Variants in RBM6 observed in about 807,000 individuals in gnomAD.
RBM6 encodes RNA-binding protein 6.
A neutral mutation model predicts 140.4 loss-of-function variants in RBM6; 23 were observed. The observed-to-expected ratio is 0.16, with a 90% CI of 0.12 to 0.23. RBM6 has a LOEUF of 0.23. Among genes scored for constraint, RBM6 ranks in the 10% least tolerant of loss-of-function variants. RBM6 has a pLI of 1.00. For missense variants in RBM6, 1,139 were observed against 1,386.7 expected, an observed-to-expected ratio of 0.82 and a Z score of 2.84; for synonymous variants, 439 against 475.6, an observed-to-expected ratio of 0.92 and a Z score of 1.00.
At chr3:50,012,058 C>G (rs544922757) in intron 6 of RBM6, among the ~76,000 whole-genome samples, 95 of 152,020 alleles carry the variant, frequency 6.2e-4, no homozygotes, top group African/African-American at 2.2e-3. Flanking sequence ...GCTATATTGT[C>G]CAGGTTGGTC....
intron 1 of RBM6, among the ~76,000 whole-genome samples, chr3:49,956,672 A>G (rs1393837862): frequency 1.5e-5 from 2 of 129,748 alleles, no homozygotes; most frequent in Non-Finnish European, 3.3e-5. Flanking sequence ...TTATTTATTT[A>G]TTTATTTTTT....
chr3:50,047,185 G>A (rs997703604), intron 6 of RBM6: 1 of 984,970 alleles, frequency 1.0e-6, no homozygotes, highest in Non-Finnish European at 1.2e-6. Flanking sequence ...TTTGACAGAT[G>A]TATGGATTCA....
chr3:50,024,030 A>G (rs966276963), intron 6 of RBM6, among the ~76,000 whole-genome samples: 2 of 152,210 alleles, frequency 1.3e-5, no homozygotes, highest in African/African-American at 4.8e-5. Flanking sequence ...TTTTATGCCA[A>G]AGGGTACTTG....
chr3:50,026,204 C>T (rs1294246128), intron 6 of RBM6, among the ~76,000 whole-genome samples: 1 of 151,386 alleles, frequency 6.6e-6, no homozygotes, highest in African/African-American at 2.4e-5. Flanking sequence ...TCTACCTCAG[C>T]CTTCCGAGTA....
At chr3:49,976,274 T>A (rs2085059642) in intron 5 of RBM6, among the ~76,000 whole-genome samples, 3 of 152,056 alleles carry the variant, frequency 2.0e-5, no homozygotes, top group African/African-American at 7.2e-5. Context: ...GGGATAAAAA[T>A]TTTGCATTAA....
intron 6 of RBM6, among the ~76,000 whole-genome samples, chr3:50,018,585 T>G (rs1173488839): frequency 3.5e-4 from 36 of 103,454 alleles, no homozygotes; most frequent in Non-Finnish European, 5.4e-4. Flanking sequence ...GAGTGTGTTT[T>G]TTTTTTTTTT....
At chr3:50,026,634 CAAAAAAAAA>C (rs1202838550) in intron 6 of RBM6, among the ~76,000 whole-genome samples, 2 of 110,516 alleles carry the variant, frequency 1.8e-5, no homozygotes, top group Non-Finnish European at 3.8e-5. Context: ...CTCTGTCTCT[CAAAAAAAAA>C]AAAAAGAAAA....
At chr3:49,948,965 G>A (rs929846925) in intron 1 of RBM6, among the ~76,000 whole-genome samples, 2 of 149,984 alleles carry the variant, frequency 1.3e-5, no homozygotes, top group African/African-American at 4.9e-5. Context: ...CAAGTAGCTG[G>A]GTTACAGGTA....
intron 6 of RBM6, among the ~76,000 whole-genome samples, chr3:50,045,986 A>AGAC: frequency 6.6e-6 from 1 of 152,218 alleles, no homozygotes; most frequent in South Asian, 2.1e-4. Flanking sequence ...CTGGGCTTAG[A>AGAC]AGGGGTTCAT....
At chr3:50,021,134 G>C (rs2087455875) in intron 6 of RBM6, among the ~76,000 whole-genome samples, 1 of 152,150 alleles carries the variant, frequency 6.6e-6, no homozygotes, top group Non-Finnish European at 1.5e-5. Context: ...TGTGCTGCGT[G>C]AGCTTGAAGA....
At chr3:50,008,689 G>A (rs1170962689) in intron 6 of RBM6, among the ~76,000 whole-genome samples, 1 of 151,670 alleles carries the variant, frequency 6.6e-6, no homozygotes, top group Non-Finnish European at 1.5e-5. Context: ...GAGTAGCTGG[G>A]ATTACGGGCA....
At chr3:50,003,969 A>C (rs976738423) in intron 6 of RBM6, among the ~76,000 whole-genome samples, 6 of 152,154 alleles carry the variant, frequency 3.9e-5, no homozygotes, top group African/African-American at 1.4e-4. Flanking sequence ...TTGAGGGTAC[A>C]TATTATTTCC....
intron 6 of RBM6, among the ~76,000 whole-genome samples, chr3:50,022,335 C>G (rs1337506939): frequency 7.0e-6 from 1 of 143,582 alleles, no homozygotes; most frequent in East Asian, 2.0e-4. Flanking sequence ...TTTCTTCTTT[C>G]TTTTTTTTTT....
At chr3:50,076,759 G>A (rs1192165352) in intron 20 of RBM6, among the ~76,000 whole-genome samples, 3 of 151,588 alleles carry the variant, frequency 2.0e-5, no homozygotes, top group Admixed American at 6.6e-5. Context: ...GGTGGCAGGC[G>A]CCTGTAGTCC....
At chr3:50,017,880 T>C (rs926801788) in intron 6 of RBM6, among the ~76,000 whole-genome samples, 1 of 152,182 alleles carries the variant, frequency 6.6e-6, no homozygotes, top group Non-Finnish European at 1.5e-5. Flanking sequence ...TTTCCAACTA[T>C]AGTTTCTTCT....
chr3:49,995,850 G>GTAGAA (rs1322585823), intron 5 of RBM6, among the ~76,000 whole-genome samples: 3 of 152,094 alleles, frequency 2.0e-5, no homozygotes. Context: ...AGGTCTTTGG[G>GTAGAA]TAGAATATCT....
intron 15 of RBM6, among the ~76,000 whole-genome samples, chr3:50,063,544 C>T (rs2090015630): frequency 6.7e-6 from 1 of 150,232 alleles, no homozygotes; most frequent in Non-Finnish European, 1.5e-5. Flanking sequence ...TTGCAGTGAG[C>T]TGTGATTGCG....
rs1306450708 is a variant in RBM6, at chr3:50,057,825, A to G, written c.1791A>G (p.Pro597=). The change falls in exon 9 of 21, where the codon CCA becomes CCG. Residue 597 remains proline (P), a synonymous_variant. Coordinates refer to ENST00000266022, the MANE Select transcript of RBM6 (RefSeq NM_005777.3). ...LEKQPNQPLR[P]ADKEPEPRKR... is the part of the protein sequence containing the mutation. ...AACAGCCCAACCAGCCCCTAAGACC[A>G]GCTGATAAGGAACCTGAACCCAGGA... The G allele has an allele frequency of 1.4e-5, 22 of 1,614,042 alleles. No homozygotes were observed. Among genetic ancestry groups the G allele is most frequent in the Non-Finnish European group, 1.9e-5 (22 of 1,180,008 alleles).
At chr3:50,011,835 C>T (rs1471764244) in intron 6 of RBM6, among the ~76,000 whole-genome samples, 2 of 144,988 alleles carry the variant, frequency 1.4e-5, no homozygotes, top group Admixed American at 6.9e-5. Context: ...TTTTTCTTTT[C>T]TTTCTTTTTT....
Sources: allele counts gnomAD v4.1 joint callset (sites outside exome capture counted in the v4.1 genomes callset), GRCh38; gene constraint gnomAD v4.1.1; transcripts MANE v1.5; gene names NCBI Gene and HGNC (gene_info 2026-07-23, HGNC 2026-07-21).